The following ME1 variants were observed in gnomAD, a reference collection of about 807,000 sequenced individuals.
ME1 encodes the protein malic enzyme 1, also known as NADP-dependent malic enzyme.
A neutral mutation model predicts 66.4 loss-of-function variants in ME1; 74 were observed. The observed-to-expected ratio is 1.11, with a 90% CI of 0.92 to 1.35. The LOEUF is 1.35. Ranked by LOEUF, ME1 falls within the 40% of genes most tolerant of loss-of-function variation. The pLI is 0.00. For synonymous variants in ME1, 251 were observed against 235.6 expected (o/e 1.07, Z -0.60); for missense variants, 750 against 694.1 (o/e 1.08, Z -0.90).
chr6:83,393,675 A>C (rs1311159779), intron 3 of ME1, among the ~76,000 whole-genome samples: 1 of 152,162 alleles, frequency 6.6e-6, no homozygotes, highest in Non-Finnish European at 1.5e-5. Flanking sequence ...CGTTTGATTC[A>C]AGCCCTTCTA....
chr6:83,285,803 C>T (rs137922261), intron 6 of ME1, among the ~76,000 whole-genome samples: 17 of 152,168 alleles, frequency 1.1e-4, no homozygotes, highest in African/African-American at 2.9e-4. Flanking sequence ...ATTTCAAATA[C>T]GACAAAAGAT....
intron 7 of ME1, among the ~76,000 whole-genome samples, chr6:83,250,980 T>G (rs1583340620): frequency 6.6e-6 from 1 of 152,206 alleles, no homozygotes. Context: ...TGCAATAACT[T>G]TACAAAAACA....
rs768613774 is a variant in ME1, at chr6:83,211,990, C to A, written c.1653G>T (p.Gln551His). ...GCCAAGAATAACAATCAGGTAGAAT[C>A]TGGTCATAATCAGTACTATACATCT... ...RSQMYSTDYD[Q>H]ILPDCYSWPE... is the part of the protein sequence containing the mutation. Residue 551 changes from glutamine to histidine, a missense_variant, in exon 14 of 14, where the codon CAG becomes CAT. Gln to His is a conservative substitution (Grantham distance 24). Coordinates refer to ENST00000369705, the MANE Select transcript of ME1 (RefSeq NM_002395.6). 6.2e-7 allele frequency: 1 copy of A among 1,611,050 alleles called. No homozygotes were observed. Among genetic ancestry groups the A allele is most frequent in the South Asian group, 1.1e-5 (1 of 90,604 alleles).
intron 6 of ME1, among the ~76,000 whole-genome samples, chr6:83,272,028 G>C (rs572261297): frequency 6.6e-6 from 1 of 152,022 alleles, no homozygotes; most frequent in Non-Finnish European, 1.5e-5. Flanking sequence ...TACTCTCTTA[G>C]TTATTTAAAA....
At chr6:83,376,240 T>C (rs1230124627) in intron 3 of ME1, among the ~76,000 whole-genome samples, 1 of 152,136 alleles carries the variant, frequency 6.6e-6, no homozygotes, top group African/African-American at 2.4e-5. Flanking sequence ...GCACGATGGC[T>C]CATGCCAACA....
At chr6:83,237,200 CAGAG>C (rs373389406) in intron 9 of ME1, among the ~76,000 whole-genome samples, 4 of 121,060 alleles carry the variant, frequency 3.3e-5, no homozygotes, top group East Asian at 2.5e-4. Flanking sequence ...ACCTCAAAAA[CAGAG>C]AGAGAGAGAG....
intron 1 of ME1, among the ~76,000 whole-genome samples, chr6:83,414,948 G>C (rs1458499433): frequency 6.6e-6 from 1 of 152,154 alleles, no homozygotes; most frequent in Non-Finnish European, 1.5e-5. Flanking sequence ...GTAAATACCT[G>C]AAACTAGCAA....
intron 5 of ME1, among the ~76,000 whole-genome samples, chr6:83,343,228 T>A (rs1583391538): frequency 1.3e-5 from 2 of 152,128 alleles, no homozygotes; most frequent in Non-Finnish European, 2.9e-5. Context: ...TCTACCTCCA[T>A]GAGATCAACT....
intron 2 of ME1, among the ~76,000 whole-genome samples, chr6:83,405,332 C>T (rs1253026921): frequency 6.6e-6 from 1 of 152,154 alleles, no homozygotes; most frequent in Non-Finnish European, 1.5e-5. Context: ...TGAAGGAATA[C>T]TTGTGACTTT....
At chr6:83,286,191 AG>A (rs1767393173) in intron 6 of ME1, among the ~76,000 whole-genome samples, 1 of 152,158 alleles carries the variant, frequency 6.6e-6, no homozygotes, top group Non-Finnish European at 1.5e-5. Flanking sequence ...GGCTATAATA[AG>A]TTACTCTGTG....
intron 6 of ME1, among the ~76,000 whole-genome samples, chr6:83,288,401 T>G (rs1033293775): frequency 2.0e-5 from 3 of 152,212 alleles, no homozygotes; most frequent in Admixed American, 2.0e-4. Context: ...ACACTATTTA[T>G]TAAATAGGGA....
rs67402469 is a variant in ME1, at chr6:83,364,737, C to CATCT, written c.363-12602_363-12599dup. ...CATATCTATCTATCTATCTATCTGT[C>CATCT]ATCTATCTATCTATCTATCTATCAA... is the stretch of plus-strand genomic sequence containing the variant. On this transcript the variant is annotated intron_variant, in intron 3 of 13. Transcript: ENST00000369705. Among the ~76,000 whole-genome samples, 659 of 152,030 alleles carry CATCT rather than the reference C, an allele frequency of 4.3e-3. 1 individual carries two copies. Among genetic ancestry groups the CATCT allele is most frequent in the East Asian group, 0.016 (81 of 5,178 alleles).
At chr6:83,356,413 A>T (rs1768890608) in intron 3 of ME1, among the ~76,000 whole-genome samples, 2 of 152,206 alleles carry the variant, frequency 1.3e-5, no homozygotes, top group South Asian at 4.1e-4. Context: ...AAAAAAGCTA[A>T]CTTCAAGTAA....
In ME1 at chr6:83,223,921, A is replaced by G. The variant is rs562718849; in HGVS notation, c.1288T>C (p.Phe430Leu). 2 of 1,613,934 alleles carry G rather than the reference A, an allele frequency of 1.2e-6. No homozygotes were observed. Among genetic ancestry groups the G allele is most frequent in the African/African-American group, 2.7e-5 (2 of 75,062 alleles). Reference sequence around the variant, plus strand: ...GGATCAAAAGGACTGCCACTGGCAAAAATTGCACGTCCCTACAACAAAGAC... The same window carrying G: ...GGATCAAAAGGACTGCCACTGGCAAGAATTGCACGTCCCTACAACAAAGAC... ...CYKITKGRAI[F>L]ASGSPFDPVT... Residue 430 changes from phenylalanine (F) to leucine (L), a missense_variant, in exon 12 of 14, where the codon TTT becomes CTT. Phe to Leu is a conservative substitution (Grantham distance 22). Transcript: ENST00000369705.
intron 12 of ME1, 125 bp from the exon 13 acceptor site, chr6:83,216,721 T>A: frequency 1.7e-6 from 1 of 580,834 alleles, no homozygotes; most frequent in Non-Finnish European, 2.9e-6. Context: ...ATTAATATGA[T>A]TACCTAATTT....
Position 83,381,184 on chromosome 6 carries a change from A to G in ME1, c.362+17183T>C, listed in dbSNP as rs141178468. 1.8e-3 allele frequency among the ~76,000 whole-genome samples: 274 copies of G among 152,156 alleles called. 1 individual carries two copies. Among genetic ancestry groups the G allele is most frequent in the Non-Finnish European group, 2.2e-3 (150 of 67,986 alleles). Reference sequence around the variant, plus strand: ...CAGAATTATAGCACTCCACCCCCACATTAATAATATTTTAATTAAAAAATA... The same window carrying G: ...CAGAATTATAGCACTCCACCCCCACGTTAATAATATTTTAATTAAAAAATA... On this transcript the variant is annotated intron_variant, in intron 3 of 13. Coordinates refer to ENST00000369705, the MANE Select transcript of ME1 (RefSeq NM_002395.6).
intron 6 of ME1, among the ~76,000 whole-genome samples, chr6:83,277,059 T>G (rs1031769929): frequency 1.6e-4 from 24 of 152,344 alleles, no homozygotes; most frequent in African/African-American, 5.5e-4. Flanking sequence ...GTAAACTGCA[T>G]CCCACCTCAA....
At chr6:83,343,862 A>G (rs1276584331) in intron 5 of ME1, among the ~76,000 whole-genome samples, 1 of 152,220 alleles carries the variant, frequency 6.6e-6, no homozygotes, top group Non-Finnish European at 1.5e-5. Flanking sequence ...ACTCTTTCAT[A>G]TAATACAATC....
At chr6:83,343,842 C>T (rs917191556) in intron 5 of ME1, among the ~76,000 whole-genome samples, 1 of 152,144 alleles carries the variant, frequency 6.6e-6, no homozygotes, top group African/African-American at 2.4e-5. Flanking sequence ...GACCTACTTT[C>T]ATGAAATCAA....
Sources: allele counts gnomAD v4.1 joint callset (sites outside exome capture counted in the v4.1 genomes callset), GRCh38; gene constraint gnomAD v4.1.1; transcripts MANE v1.5; gene names NCBI Gene and HGNC (gene_info 2026-07-23, HGNC 2026-07-21).